The following RIMS2 variants were observed in gnomAD, a reference collection of about 807,000 sequenced individuals.
The protein encoded by RIMS2 is regulating synaptic membrane exocytosis protein 2.
Under a neutral mutation model 174.4 loss-of-function variants are expected in RIMS2, and 59 were observed. The ratio of observed to expected loss-of-function variants is 0.34; its 90% CI spans 0.27 to 0.42. RIMS2 has a LOEUF of 0.42. Among genes scored for constraint, RIMS2 ranks in the 10% least tolerant of loss-of-function variants. The pLI is 1.00. For synonymous variants in RIMS2, 606 were observed against 572.5 expected (o/e 1.06, Z -0.84); for missense variants, 1,620 against 1,666.3 (o/e 0.97, Z 0.48).
chr8:103,622,748 A>G (rs1445996633), intron 1 of RIMS2, among the ~76,000 whole-genome samples: 2 of 152,212 alleles, frequency 1.3e-5, no homozygotes, highest in Admixed American at 1.3e-4. Flanking sequence ...CCCCCCTGCT[A>G]TCAAATGGAG....
At chr8:103,705,372 T>C (rs2097212529) in intron 2 of RIMS2, among the ~76,000 whole-genome samples, 2 of 152,112 alleles carry the variant, frequency 1.3e-5, no homozygotes, top group Admixed American at 1.3e-4. Context: ...AGATATGATC[T>C]GTTTTGGAGA....
chr8:103,688,316 T>C (rs1057103455), intron 1 of RIMS2, among the ~76,000 whole-genome samples: 3 of 152,082 alleles, frequency 2.0e-5, no homozygotes, highest in African/African-American at 7.2e-5. Flanking sequence ...GATATTGAAT[T>C]TTATCAAATG....
intron 19 of RIMS2, among the ~76,000 whole-genome samples, chr8:104,224,818 G>T (rs1277856594): frequency 6.6e-6 from 1 of 152,104 alleles, no homozygotes; most frequent in Admixed American, 6.5e-5. Context: ...AGAAGATGGA[G>T]GATTGGTAAT....
chr8:103,946,063 C>T (rs182540901), intron 14 of RIMS2, among the ~76,000 whole-genome samples: 10 of 152,220 alleles, frequency 6.6e-5, no homozygotes, highest in South Asian at 4.2e-4. Flanking sequence ...TCACAGATGA[C>T]GTGATTCTAT....
intron 2 of RIMS2, among the ~76,000 whole-genome samples, chr8:103,740,299 A>G (rs1041998065): frequency 1.3e-5 from 2 of 152,172 alleles, no homozygotes; most frequent in Non-Finnish European, 2.9e-5. Flanking sequence ...ATTAAATAGA[A>G]TATTAGTGAG....
At chr8:103,789,336 C>G (rs1228420119) in intron 3 of RIMS2, among the ~76,000 whole-genome samples, 9 of 152,256 alleles carry the variant, frequency 5.9e-5, no homozygotes, top group South Asian at 2.1e-4. Context: ...GGTGTCTATG[C>G]TGTTTGGGAT....
intron 8 of RIMS2, among the ~76,000 whole-genome samples, chr8:103,917,320 A>G (rs2076802280): frequency 6.6e-6 from 1 of 152,118 alleles, no homozygotes; most frequent in African/African-American, 2.4e-5. Context: ...TATTATTTTT[A>G]TCTCTTTTTT....
intron 17 of RIMS2, among the ~76,000 whole-genome samples, chr8:103,991,433 G>C (rs897424636): frequency 4.0e-5 from 6 of 151,558 alleles, no homozygotes; most frequent in African/African-American, 9.7e-5. Context: ...TTATATATGT[G>C]GTCTGTCACA....
chr8:103,707,681 T>A (rs369537243), intron 2 of RIMS2, among the ~76,000 whole-genome samples: 137 of 152,226 alleles, frequency 9.0e-4, no homozygotes, highest in African/African-American at 3.2e-3. Context: ...CCATAGCAAG[T>A]GGCACCATGC....
intron 3 of RIMS2, among the ~76,000 whole-genome samples, chr8:103,858,736 C>T (rs1266868101): frequency 5.5e-5 from 8 of 146,758 alleles, no homozygotes; most frequent in African/African-American, 1.5e-4. Flanking sequence ...TACCTATACA[C>T]ACACACACAC....
At chr8:103,555,912 T>C (rs1409641692) in intron 1 of RIMS2, among the ~76,000 whole-genome samples, 1 of 152,106 alleles carries the variant, frequency 6.6e-6, no homozygotes, top group African/African-American at 2.4e-5. Flanking sequence ...TCAGAGGATA[T>C]TATGTTAAGT....
chr8:104,048,827 TATTA>T (rs142146473), intron 19 of RIMS2, among the ~76,000 whole-genome samples: 19,427 of 152,114 alleles, frequency 0.13, 1,685 homozygotes, highest in Non-Finnish European at 0.19. Context: ...TGGTAGCTCT[TATTA>T]ATTATTACAC....
chr8:104,165,138 A>T (rs1178490739), intron 19 of RIMS2, among the ~76,000 whole-genome samples: 4 of 152,192 alleles, frequency 2.6e-5, no homozygotes, highest in Non-Finnish European at 5.9e-5. Context: ...TTTTAAAGCA[A>T]TACAGGATCC....
intron 1 of RIMS2, among the ~76,000 whole-genome samples, chr8:103,530,161 G>GT (rs777611137): frequency 1.4e-4 from 21 of 152,304 alleles, no homozygotes; most frequent in Non-Finnish European, 2.8e-4. Context: ...ATGGTTTTAA[G>GT]TTACATTGCC....
intron 3 of RIMS2, among the ~76,000 whole-genome samples, chr8:103,782,622 G>A (rs1592227814): frequency 6.6e-6 from 1 of 151,988 alleles, no homozygotes; most frequent in Admixed American, 6.6e-5. Flanking sequence ...TCTATCAGCA[G>A]GTATTAGGGT....
chr8:103,896,879 T>C (rs117662308), intron 4 of RIMS2, among the ~76,000 whole-genome samples: 1 of 151,692 alleles, frequency 6.6e-6, no homozygotes, highest in Non-Finnish European at 1.5e-5. Context: ...CCACTTATTC[T>C]GTCCTAGCTT....
intron 1 of RIMS2, among the ~76,000 whole-genome samples, chr8:103,515,409 ACC>A (rs1421470818): frequency 6.6e-6 from 1 of 152,198 alleles, no homozygotes; most frequent in Non-Finnish European, 1.5e-5. Context: ...GTCAATAACT[ACC>A]TTTCAACAGA....
At chr8:103,587,884 A>G (rs2094044316) in intron 1 of RIMS2, among the ~76,000 whole-genome samples, 1 of 152,194 alleles carries the variant, frequency 6.6e-6, no homozygotes, top group Admixed American at 6.6e-5. Context: ...GTGATTCAAC[A>G]TGGTACTGGA....
At chr8:103,892,310 C>T (rs1241656504) in intron 4 of RIMS2, among the ~76,000 whole-genome samples, 3 of 151,676 alleles carry the variant, frequency 2.0e-5, no homozygotes, top group African/African-American at 7.3e-5. Flanking sequence ...TCAAGAAATC[C>T]TTCTGTCTCA....
Sources: allele counts gnomAD v4.1 joint callset (sites outside exome capture counted in the v4.1 genomes callset), GRCh38; gene constraint gnomAD v4.1.1; transcripts MANE v1.5; gene names NCBI Gene and HGNC (gene_info 2026-07-23, HGNC 2026-07-21).